XG: variants seen among roughly 807,000 people sequenced by gnomAD.
XG encodes Xg glycoprotein (Xg blood group), also known as glycoprotein Xg.
XG carries 24 observed loss-of-function variants against 25.7 expected under a neutral mutation model. That is an observed-to-expected ratio of 0.93 (90% CI 0.68 to 1.31). The LOEUF (loss-of-function observed/expected upper bound fraction) is 1.31, where lower values mean the gene tolerates loss of function less well. XG is among the 40% of genes most tolerant of loss of function. The pLI is 0.00. For synonymous variants in XG, 77 were observed against 69.2 expected (o/e 1.11, Z -0.56); for missense variants, 181 against 187.6 (o/e 0.96, Z 0.21).
intron 5 of XG, 22 bp from the exon 6 acceptor site, chrX:2,794,513 T>A: frequency 8.3e-7 from 1 of 1,208,061 alleles, no homozygotes; most frequent in Non-Finnish European, 1.1e-6. Flanking sequence ...TCATGAGCAA[T>A]GCCGCGTGCT....
At chrX:2,797,157 C>T (rs2086893181) in intron 6 of XG, among the ~76,000 whole-genome samples, 153 bp from the exon 7 acceptor site, 1 of 111,707 alleles carries the variant, frequency 9.0e-6, no homozygotes, top group Admixed American at 9.6e-5. Flanking sequence ...ACCCTTGACT[C>T]TCCCCTGCTG....
chrX:2,789,243 A>C (rs932497241), intron 4 of XG, among the ~76,000 whole-genome samples: 1 of 111,807 alleles, frequency 8.9e-6, no homozygotes, highest in African/African-American at 3.2e-5. Context: ...AACAACAACA[A>C]CACAAATTCA....
rs769471664 is a variant in XG at position 2,773,362 on chromosome X, A to G, written c.104-1354A>G. Among the ~76,000 whole-genome samples, 8 of 149,026 alleles carry G rather than the reference A, an allele frequency of 5.4e-5. No individual in the cohort carries two copies. In the South Asian group the frequency reaches 1.7e-3, roughly 32 times the overall value. The stretch of plus-strand genomic sequence containing the variant: ...AAAATAGGAGAAGAAAGGAAGAAAG[A>G]AAAAGAATAAGGGAAGGACGGAGGG... On this transcript the variant is annotated intron_variant, in intron 2 of 10. Transcript: ENST00000644266.
At chrX:2,752,935 C>T in intron 1 of XG, 11 of 985,334 alleles carry the variant, frequency 1.1e-5, no homozygotes, top group Non-Finnish European at 1.3e-5. Context: ...TTTTTCAGTT[C>T]CGTACGAGGA....
At chrX:2,794,780 G>T (rs1398632330) in intron 6 of XG, among the ~76,000 whole-genome samples, 177 bp downstream of exon 6, 3 of 112,046 alleles carry the variant, frequency 2.7e-5, no homozygotes, top group Non-Finnish European at 5.6e-5. Flanking sequence ...TGGGGTTTGC[G>T]GTCTGGGCAT....
chrX:2,758,025 G>T (rs1414838599), intron 1 of XG, among the ~76,000 whole-genome samples: 1 of 148,440 alleles, frequency 6.7e-6, no homozygotes, highest in African/African-American at 2.5e-5. Context: ...GATCGCCTAA[G>T]GTGAGAAGCC....
At position 2,770,588 on chromosome X, in the gene XG, C is replaced by T. The variant is rs149833963; in HGVS notation, c.100C>T (p.Pro34Ser). Reference sequence around the variant, plus strand: ...TGATTTGGCAGATGCCCTTGATGACCCTGGTAAGTGCCGATATTTCAAGGG... The same window carrying T: ...TGATTTGGCAGATGCCCTTGATGACTCTGGTAAGTGCCGATATTTCAAGGG... Reference protein sequence around the residue: ...DFDLADALDDPEPTKKPNSDI... With the variant: ...DFDLADALDDSEPTKKPNSDI... The change falls in exon 2 of 11, where the codon CCT becomes TCT. Residue 34 changes from proline to serine, a missense_variant. Pro to Ser is a moderately conservative substitution (Grantham distance 74). Transcript: ENST00000644266. The T allele has an allele frequency of 6.2e-6, 10 of 1,613,722 alleles. No individual in the cohort carries two copies. The highest frequency in any genetic ancestry group is 8.5e-6 in the Non-Finnish European group (10 of 1,179,852).
intron 3 of XG, among the ~76,000 whole-genome samples, chrX:2,775,282 A>G (rs1346256928): frequency 6.6e-6 from 1 of 152,210 alleles, no homozygotes; most frequent in Non-Finnish European, 1.5e-5. Flanking sequence ...ACACAATGGA[A>G]TATTATTTAG....
In XG at chrX:2,783,074, C is replaced by T. The variant is rs368875172; in HGVS notation, c.190+946C>T. On this transcript the variant is annotated intron_variant, in intron 4 of 10. Transcript: ENST00000644266. ...CCTCAGTCATAATTTTTGCAAAGGC[C>T]GTTTGATACTCAAAGGACACTTTGC... is the stretch of plus-strand genomic sequence containing the variant. Among the ~76,000 whole-genome samples the T allele has an allele frequency of 5.4e-4, 60 of 111,128 alleles. No homozygotes were observed. The South Asian group carries it at 0.023, about 43-fold the overall frequency.
At position 2,782,118 on chromosome X, in the gene XG, C is replaced by G. The variant is rs749544383; in HGVS notation, c.180C>G (p.Asp60Glu). ...ACTACCCACAGCCCGAGAATCCCGACAGCGGTGGAAGTAAGAATCCGCAGG... is the reference window on the plus strand; with the variant it reads ...ACTACCCACAGCCCGAGAATCCCGAGAGCGGTGGAAGTAAGAATCCGCAGG... ...PPYYPQPENP[D>E]SGGNIYPRPK... The change falls in exon 4 of 11, where the codon GAC becomes GAG. Residue 60 changes from aspartate (D) to glutamate (E), a missense_variant. Asp to Glu is a conservative substitution (Grantham distance 45). Coordinates refer to ENST00000644266, the MANE Select transcript of XG (RefSeq NM_001141919.2). The G allele has an allele frequency of 2.3e-5, 28 of 1,210,344 alleles. No homozygotes were observed. Among genetic ancestry groups the G allele is most frequent in the Non-Finnish European group, 2.9e-5 (26 of 895,212 alleles).
chrX:2,758,710 G>A (rs896545116), intron 1 of XG, among the ~76,000 whole-genome samples: 22 of 152,282 alleles, frequency 1.4e-4, no homozygotes, highest in African/African-American at 5.3e-4. Flanking sequence ...GGAGCCCAGG[G>A]ATGCTGGTCA....
rs761079287 is a variant in XG, at chrX:2,789,729, TTTTTATTTTA to T, written c.253+44_253+53del. 3.8e-3 allele frequency: 3,259 copies of T among 864,212 alleles called. 93 individuals carry two copies. The African/African-American group carries it at 0.062, about 16-fold the overall frequency. 71.2% of individuals were successfully genotyped at this position (864,212 alleles called of 1,213,427 possible). ...GAGGTAATGAGTATTTATTTATTTA[TTTTTATTTTA>T]TTTTATTTTATTTTATTTTACTATT... On this transcript the variant is annotated intron_variant, in intron 5 of 10. Coordinates refer to ENST00000644266, the MANE Select transcript of XG (RefSeq NM_001141919.2).
At chrX:2,805,644 G>T (rs1358918252) in intron 7 of XG, among the ~76,000 whole-genome samples, 1 of 109,957 alleles carries the variant, frequency 9.1e-6, no homozygotes, top group Non-Finnish European at 1.9e-5. Flanking sequence ...AGCAGGGCTG[G>T]TTCCTCCTGA....
chrX:2,793,215 C>G (rs1228908802), intron 5 of XG, among the ~76,000 whole-genome samples: 2 of 112,000 alleles, frequency 1.8e-5, no homozygotes, highest in African/African-American at 6.5e-5. Flanking sequence ...TAAACTCAAT[C>G]AGCATGTTTC....
At position 2,797,363 on chromosome X, in the gene XG, ACC is replaced by A. The variant is rs767436327; in HGVS notation, c.373+6_373+7del. 10 of 1,205,867 alleles carry A rather than the reference ACC, an allele frequency of 8.3e-6. No homozygotes were observed. The highest frequency in any genetic ancestry group is 1.1e-5 in the Non-Finnish European group (10 of 892,635). ...TGGCAACTCCGACAACACGCACGGTACCCCTACATCTGGGCATGCGATGGTGG... is the reference window on the plus strand; with the variant it reads ...TGGCAACTCCGACAACACGCACGGTACCTACATCTGGGCATGCGATGGTGG... On this transcript the variant is annotated splice_donor_5th_base_variant and intron_variant, in intron 7 of 10. Transcript: ENST00000644266.
At chrX:2,810,549 C>T (rs1394016723) in intron 9 of XG, among the ~76,000 whole-genome samples, 2 of 111,501 alleles carry the variant, frequency 1.8e-5, no homozygotes, top group African/African-American at 6.5e-5. Context: ...ACTCAGGAGG[C>T]GGAGGCAGGA....
intron 2 of XG, among the ~76,000 whole-genome samples, chrX:2,773,505 A>AAGGAAGGAGAGAG (rs1569461959): frequency 8.7e-6 from 1 of 114,700 alleles, no homozygotes; most frequent in African/African-American, 3.4e-5. Context: ...GAAGGAGAGA[A>AAGGAAGGAGAGAG]GGAAGGAAGG....
chrX:2,767,161 A>G (rs912353832), intron 1 of XG, among the ~76,000 whole-genome samples: 32 of 152,136 alleles, frequency 2.1e-4, no homozygotes, highest in Non-Finnish European at 8.8e-5. Context: ...GGTGGGAGGC[A>G]GGGGAACTCC....
intron 5 of XG, among the ~76,000 whole-genome samples, chrX:2,790,149 G>A (rs976395099): frequency 1.8e-5 from 2 of 111,465 alleles, no homozygotes; most frequent in African/African-American, 3.3e-5. Flanking sequence ...CAAAATGCTG[G>A]GATTACAGGC....
Sources: allele counts gnomAD v4.1 joint callset (sites outside exome capture counted in the v4.1 genomes callset), GRCh38; gene constraint gnomAD v4.1.1; transcripts MANE v1.5; gene names NCBI Gene and HGNC (gene_info 2026-07-23, HGNC 2026-07-21).